SOX5: variants seen among roughly 807,000 people sequenced by gnomAD.
SOX5 encodes SRY-box transcription factor 5, also known as transcription factor SOX-5.
A neutral mutation model predicts 92.0 loss-of-function variants in SOX5; 9 were observed. That is an observed-to-expected ratio of 0.10 (90% CI 0.06 to 0.17). The LOEUF is 0.17. SOX5 is among the 10% of genes least tolerant of loss of function. The pLI is 1.00. For missense variants in SOX5, 642 were observed against 944.5 expected (o/e 0.68, Z 4.20); for synonymous variants, 344 against 336.3 (o/e 1.02, Z -0.25).
intron 7 of SOX5, among the ~76,000 whole-genome samples, chr12:23,649,421 T>C (rs1347566153): frequency 1.3e-5 from 2 of 152,114 alleles, no homozygotes; most frequent in Non-Finnish European, 2.9e-5. Context: ...AATCAGATAA[T>C]GGAAAACTTT....
chr12:24,500,886 A>G (rs1433463118), intron 1 of SOX5, among the ~76,000 whole-genome samples: 1 of 152,242 alleles, frequency 6.6e-6, no homozygotes, highest in Non-Finnish European at 1.5e-5. Context: ...AACTGGAAAC[A>G]GAAAAGTTGG....
At chr12:24,206,580 C>T (rs917430310) in intron 4 of SOX5, among the ~76,000 whole-genome samples, 3 of 151,716 alleles carry the variant, frequency 2.0e-5, no homozygotes, top group African/African-American at 4.8e-5. Context: ...AAACATCAAC[C>T]GCCTCCCCCC....
intron 6 of SOX5, among the ~76,000 whole-genome samples, chr12:23,696,292 T>C (rs1311254480): frequency 1.3e-5 from 2 of 152,154 alleles, no homozygotes; most frequent in African/African-American, 4.8e-5. Context: ...CTGAAAATTG[T>C]ATTTCTTTAG....
At chr12:23,984,729 G>A (rs1395102245) in intron 4 of SOX5, among the ~76,000 whole-genome samples, 2 of 152,126 alleles carry the variant, frequency 1.3e-5, no homozygotes, top group Non-Finnish European at 2.9e-5. Flanking sequence ...CTTTTCAGTC[G>A]GTAAAGCTCT....
chr12:24,433,842 G>C (rs1938872127), intron 1 of SOX5, among the ~76,000 whole-genome samples: 1 of 152,160 alleles, frequency 6.6e-6, no homozygotes, highest in South Asian at 2.1e-4. Flanking sequence ...CATGGGTGCG[G>C]ATGAGCAGGG....
At chr12:24,106,457 C>T (rs1224807098) in intron 4 of SOX5, among the ~76,000 whole-genome samples, 1 of 152,078 alleles carries the variant, frequency 6.6e-6, no homozygotes, top group Non-Finnish European at 1.5e-5. Flanking sequence ...TGAAATGTAT[C>T]TTCTAAGGAT....
intron 4 of SOX5, among the ~76,000 whole-genome samples, chr12:23,965,132 C>T (rs1373865747): frequency 2.6e-5 from 4 of 152,216 alleles, no homozygotes; most frequent in Non-Finnish European, 5.9e-5. Context: ...CCTAGCAGGA[C>T]ACCATCTACC....
chr12:23,870,813 C>G (rs1055469392), intron 2 of SOX5, among the ~76,000 whole-genome samples: 1 of 152,020 alleles, frequency 6.6e-6, no homozygotes, highest in Non-Finnish European at 1.5e-5. Context: ...TTGTACTGAT[C>G]GTTCAAGTTT....
chr12:24,141,357 G>A (rs1377601547), intron 4 of SOX5, among the ~76,000 whole-genome samples: 1 of 152,214 alleles, frequency 6.6e-6, no homozygotes, highest in Admixed American at 6.5e-5. Flanking sequence ...GCTACAGATT[G>A]TATTTAGGTA....
intron 6 of SOX5, among the ~76,000 whole-genome samples, chr12:23,720,944 C>G (rs2092780655): frequency 1.3e-5 from 2 of 152,148 alleles, no homozygotes; most frequent in South Asian, 4.1e-4. Context: ...CCCAGAAGAA[C>G]AGGGTCTATG....
intron 4 of SOX5, among the ~76,000 whole-genome samples, chr12:24,012,940 T>C (rs1427866851): frequency 2.6e-5 from 4 of 152,172 alleles, no homozygotes; most frequent in Non-Finnish European, 5.9e-5. Context: ...ATAAATCATA[T>C]TGATAAGTAG....
intron 3 of SOX5, among the ~76,000 whole-genome samples, chr12:23,809,319 T>G (rs2095835216): frequency 6.6e-6 from 1 of 152,110 alleles, no homozygotes; most frequent in African/African-American, 2.4e-5. Flanking sequence ...ATTACATTTT[T>G]CACTGAGTAC....
chr12:23,877,258 C>T (rs1212460249), intron 2 of SOX5, among the ~76,000 whole-genome samples: 1 of 151,340 alleles, frequency 6.6e-6, no homozygotes, highest in Non-Finnish European at 1.5e-5. Context: ...TTTGGTATTG[C>T]AGTTATGCTA....
intron 4 of SOX5, among the ~76,000 whole-genome samples, chr12:24,143,156 A>T (rs1479170691): frequency 1.3e-5 from 2 of 152,212 alleles, no homozygotes; most frequent in Non-Finnish European, 2.9e-5. Context: ...CTTTGGTCCT[A>T]CCTAACAAAT....
At chr12:24,011,519 AT>A in intron 4 of SOX5, among the ~76,000 whole-genome samples, 1 of 152,116 alleles carries the variant, frequency 6.6e-6, no homozygotes, top group Non-Finnish European at 1.5e-5. Context: ...AAGATTCCAT[AT>A]TTTTTGTTAA....
chr12:24,555,412 A>C (rs1317861308), intron 1 of SOX5, among the ~76,000 whole-genome samples: 1 of 152,214 alleles, frequency 6.6e-6, no homozygotes, highest in Non-Finnish European at 1.5e-5. Context: ...TTTAAATGAT[A>C]AGCATTAAAG....
intron 1 of SOX5, among the ~76,000 whole-genome samples, chr12:23,932,177 T>A (rs1941582778): frequency 6.6e-6 from 1 of 151,606 alleles, no homozygotes; most frequent in Admixed American, 6.6e-5. Flanking sequence ...CCAATACCTG[T>A]CTTAAGAGCC....
At chr12:23,559,820 T>C (rs1283560057) in intron 11 of SOX5, among the ~76,000 whole-genome samples, 1 of 152,188 alleles carries the variant, frequency 6.6e-6, no homozygotes, top group Non-Finnish European at 1.5e-5. Context: ...CTTTTTTTCC[T>C]TTCTCCCAGT....
At chr12:23,884,724 T>C (rs185953832) in intron 2 of SOX5, among the ~76,000 whole-genome samples, 136 of 152,344 alleles carry the variant, frequency 8.9e-4, no homozygotes, top group African/African-American at 3.1e-3. Flanking sequence ...ATTTATTTAT[T>C]AGGCAAGTCA....
Sources: gnomAD v4.1 joint callset for allele counts (sites outside exome capture counted in the v4.1 genomes callset) on GRCh38, gnomAD v4.1.1 for gene constraint, MANE v1.5 for transcripts, NCBI Gene and HGNC (gene_info 2026-07-23, HGNC 2026-07-21) for gene names.